The following NT5C3A variants were observed in gnomAD, a reference collection of about 807,000 sequenced individuals.
The protein encoded by NT5C3A is cytosolic 5'-nucleotidase 3A.
In NT5C3A, 23 loss-of-function variants were observed where a neutral mutation model predicts 40.0. The observed-to-expected ratio is 0.58, with a 90% confidence interval of 0.41 to 0.81. NT5C3A has a LOEUF of 0.81. Ranked by LOEUF, NT5C3A falls within the 40% of genes least tolerant of loss-of-function variation. NT5C3A has a pLI of 0.00. For synonymous variants in NT5C3A, 130 were observed against 141.4 expected, an observed-to-expected ratio of 0.92 and a Z score of 0.57; for missense variants, 328 against 403.0, an observed-to-expected ratio of 0.81 and a Z score of 1.59.
intron 7 of NT5C3A, 44 bp from the exon 8 acceptor site, chr7:33,015,914 T>C (rs770285290): frequency 1.5e-6 from 2 of 1,309,520 alleles, no homozygotes; most frequent in South Asian, 2.4e-5. Flanking sequence ...AAAAATTCTA[T>C]TTGTTGGATT....
In NT5C3A at chr7:33,034,171, G is replaced by A. The variant is rs768011212; in HGVS notation, c.139-7256C>T. Among the ~76,000 whole-genome samples the A allele has an allele frequency of 3.3e-5, 5 of 151,982 alleles. No homozygotes were observed. The East Asian group carries it at 5.8e-4, about 18-fold the overall frequency. ...CTCTCAAAGTGCTGGGATTACAGGC[G>A]TGAGCCACCGCGCCCGGCCAGACCT... is the stretch of plus-strand genomic sequence containing the variant. On this transcript the variant is annotated intron_variant, in intron 1 of 8. Transcript: ENST00000610140.
intron 6 of NT5C3A, among the ~76,000 whole-genome samples, chr7:33,018,854 A>T (rs553166749): frequency 1.3e-5 from 2 of 152,032 alleles, no homozygotes; most frequent in East Asian, 3.9e-4. Flanking sequence ...GAAAAAAAAA[A>T]GCTTCTTGTA....
rs182351198 is a variant in NT5C3A at position 33,014,534 on chromosome 7, C to T, written c.*196G>A. ...TTTTTTTTAAATGGGTTAAAAGATA[C>T]GGTGAGGAGTGTGTTGAGAGAGGTG... On this transcript the variant is annotated 3_prime_UTR_variant, in exon 9 of 9. Coordinates refer to ENST00000610140, the MANE Select transcript of NT5C3A (RefSeq NM_001002010.5). 8.4e-5 allele frequency: 61 copies of T among 722,226 alleles called. No individual in the cohort carries two copies. Among genetic ancestry groups the T allele is most frequent in the African/African-American group, 5.1e-4 (29 of 57,032 alleles). 44.7% of individuals were successfully genotyped at this position (722,226 alleles called of 1,614,324 possible). A position where few individuals can be genotyped will look rare whatever the true frequency, so the allele number is the denominator to read the frequency against.
At chr7:33,027,509 C>T (rs1036959364) in intron 1 of NT5C3A, among the ~76,000 whole-genome samples, 15 of 152,092 alleles carry the variant, frequency 9.9e-5, no homozygotes, top group East Asian at 1.9e-4. Context: ...AAGCAATGCA[C>T]GCTTACCACA....
At position 33,034,366 on chromosome 7, in the gene NT5C3A, T is replaced by C. The variant is rs547150876; in HGVS notation, c.139-7451A>G. ...CTTCTAGAGGGCTCTAGGACCCAAGTAACAACATTATACAAAGAGGATTAA... is the reference window on the plus strand; with the variant it reads ...CTTCTAGAGGGCTCTAGGACCCAAGCAACAACATTATACAAAGAGGATTAA... On this transcript the variant is annotated intron_variant, in intron 1 of 8. Transcript: ENST00000610140. 1.9e-4 allele frequency among the ~76,000 whole-genome samples: 29 copies of C among 152,280 alleles called. No homozygotes were observed. The South Asian group carries it at 3.5e-3, about 18-fold the overall frequency.
chr7:33,030,305 C>T (rs550092763), intron 1 of NT5C3A, among the ~76,000 whole-genome samples: 1 of 152,074 alleles, frequency 6.6e-6, no homozygotes, highest in Non-Finnish European at 1.5e-5. Flanking sequence ...TTGAACATGC[C>T]CCAACTGTTG....
In NT5C3A at chr7:33,014,502, CTTTT is replaced by C; in HGVS notation, c.*224_*227del. The stretch of plus-strand genomic sequence containing the variant: ...TAGGGAGTTATTTTTCTAATTTTAG[CTTTT>C]TTTTTTTTTTAAATGGGTTAAAAGA... On this transcript the variant is annotated 3_prime_UTR_variant, in exon 9 of 9. Coordinates refer to ENST00000610140, the MANE Select transcript of NT5C3A (RefSeq NM_001002010.5). 6.4e-6 allele frequency: 3 copies of C among 467,258 alleles called. No individual in the cohort carries two copies. The highest frequency in any genetic ancestry group is 4.8e-5 in the East Asian group (1 of 20,872). The allele number at this position is 467,258 out of a possible 1,614,324, so 28.9% of individuals were successfully genotyped here. A position where few individuals can be genotyped will look rare whatever the true frequency, so the allele number is the denominator to read the frequency against.
intron 1 of NT5C3A, among the ~76,000 whole-genome samples, chr7:33,038,044 A>C (rs1786706790): frequency 6.6e-6 from 1 of 152,206 alleles, no homozygotes; most frequent in East Asian, 1.9e-4. Flanking sequence ...CATTCATAGC[A>C]ATCAAAGCCT....
chr7:33,018,804 A>G (rs962837686), intron 6 of NT5C3A, among the ~76,000 whole-genome samples: 1 of 151,936 alleles, frequency 6.6e-6, no homozygotes, highest in African/African-American at 2.4e-5. Flanking sequence ...ACTGCACTCC[A>G]GCCTGGGTGA....
chr7:33,042,721 A>T lies in NT5C3A; in HGVS notation c.139-15806T>A, dbSNP rs187544780. On this transcript the variant is annotated intron_variant, in intron 1 of 8. Coordinates refer to ENST00000610140, the MANE Select transcript of NT5C3A (RefSeq NM_001002010.5). ...GCAATTTAGAAATACTATTAAAAGC[A>T]TTAGAAATATACATTCCCTTTGACA... is the stretch of plus-strand genomic sequence containing the variant. Among the ~76,000 whole-genome samples the T allele has an allele frequency of 6.9e-4, 105 of 152,366 alleles. 1 individual carries two copies. The highest frequency in any genetic ancestry group is 6.8e-3 in the Admixed American group (104 of 15,310).
Position 33,014,317 on chromosome 7 carries a change from CATA to C in NT5C3A, c.*410_*412del. 1 of 454,274 alleles carries C rather than the reference CATA, an allele frequency of 2.2e-6. No homozygotes were observed. The allele number at this position is 454,274 out of a possible 1,614,324, so 28.1% of individuals were successfully genotyped here. Reference sequence around the variant, plus strand: ...TTTCAAGAGATGGTGATACCATCAGCATAATAACCCAAATTACAAAAATGGCAA... The same window carrying C: ...TTTCAAGAGATGGTGATACCATCAGCATAACCCAAATTACAAAAATGGCAA... On this transcript the variant is annotated 3_prime_UTR_variant, in exon 9 of 9. Transcript: ENST00000610140.
chr7:33,022,652 A>G (rs1785692553), intron 3 of NT5C3A, among the ~76,000 whole-genome samples: 1 of 152,146 alleles, frequency 6.6e-6, no homozygotes, highest in Non-Finnish European at 1.5e-5. Flanking sequence ...CAAATCTGTA[A>G]TTTTGAATTT....
chr7:33,054,045 T>C (rs1787474274), intron 1 of NT5C3A, among the ~76,000 whole-genome samples: 1 of 117,336 alleles, frequency 8.5e-6, no homozygotes. Context: ...TCATCTTGAA[T>C]ATAGCCTTTG....
rs567950921 is a variant in NT5C3A at position 33,062,670 on chromosome 7, T to C, written c.36A>G (p.Val12=). Residue 12 remains valine, a synonymous_variant, in exon 1 of 9, where the codon GTA becomes GTG. Transcript: ENST00000610140. ...DRAAVARVGA[V]ASASVCALVA... The stretch of plus-strand genomic sequence containing the variant: ...CCAGGGCGCACACGCTGGCGCTCGC[T>C]ACCGCGCCCACCCTCGCCACGGCCG... 58 of 1,582,710 alleles carry C rather than the reference T, an allele frequency of 3.7e-5. No individual in the cohort carries two copies. In the East Asian group the frequency reaches 1.3e-3, roughly 37 times the overall value.
At chr7:33,025,256 T>C (rs1422590702) in intron 2 of NT5C3A, among the ~76,000 whole-genome samples, 1 of 152,246 alleles carries the variant, frequency 6.6e-6, no homozygotes, top group African/African-American at 2.4e-5. Context: ...CTAGAGATTT[T>C]CGACCAACTT....
At chr7:33,039,602 G>A (rs1385623778) in intron 1 of NT5C3A, among the ~76,000 whole-genome samples, 3 of 136,442 alleles carry the variant, frequency 2.2e-5, no homozygotes, top group African/African-American at 8.5e-5. Context: ...CGGGTGATTA[G>A]CACATGCAAA....
intron 1 of NT5C3A, among the ~76,000 whole-genome samples, chr7:33,058,938 ACCATAG>A (rs1787672633): frequency 6.6e-6 from 1 of 152,204 alleles, no homozygotes; most frequent in African/African-American, 2.4e-5. Context: ...ACCCACTGCT[ACCATAG>A]CCTTTCAGAC....
At chr7:33,044,395 T>G (rs1353521153) in intron 1 of NT5C3A, among the ~76,000 whole-genome samples, 1 of 151,264 alleles carries the variant, frequency 6.6e-6, no homozygotes, top group Non-Finnish European at 1.5e-5. Context: ...TTAAAAAAAT[T>G]TTTTTTGAGA....
intron 1 of NT5C3A, among the ~76,000 whole-genome samples, chr7:33,031,328 C>G (rs941439952): frequency 1.3e-5 from 2 of 152,062 alleles, no homozygotes; most frequent in Non-Finnish European, 2.9e-5. Context: ...TGGCTCATGC[C>G]TGTAATCCCA....
Sources: gnomAD v4.1 joint callset for allele counts (sites outside exome capture counted in the v4.1 genomes callset) on GRCh38, gnomAD v4.1.1 for gene constraint, MANE v1.5 for transcripts, NCBI Gene and HGNC (gene_info 2026-07-23, HGNC 2026-07-21) for gene names.